The following EBF2 variants were observed in gnomAD, a reference collection of about 807,000 sequenced individuals.
EBF2 encodes EBF transcription factor 2.
A neutral mutation model predicts 72.8 loss-of-function variants in EBF2; 21 were observed. That is an observed-to-expected ratio of 0.29 (90% CI 0.20 to 0.42). EBF2 has a LOEUF of 0.42. Ranked by LOEUF, EBF2 falls within the 10% of genes least tolerant of loss-of-function variation. EBF2 has a pLI of 1.00. For missense variants in EBF2, 637 were observed against 731.2 expected, an observed-to-expected ratio of 0.87 and a Z score of 1.49; for synonymous variants, 299 against 274.2, an observed-to-expected ratio of 1.09 and a Z score of -0.89.
intron 6 of EBF2, among the ~76,000 whole-genome samples, chr8:25,915,165 A>T (rs568061925): frequency 4.2e-4 from 64 of 152,198 alleles, no homozygotes; most frequent in Non-Finnish European, 7.6e-4. Context: ...CAAGATTCAG[A>T]AAGGTTAAAT....
intron 6 of EBF2, among the ~76,000 whole-genome samples, chr8:25,967,881 G>A (rs1348209209): frequency 1.3e-5 from 2 of 152,158 alleles, no homozygotes; most frequent in Non-Finnish European, 2.9e-5. Context: ...CTGCCAAATA[G>A]GAGTGTCATT....
intron 6 of EBF2, among the ~76,000 whole-genome samples, chr8:25,954,746 T>C (rs893137784): frequency 7.9e-5 from 12 of 152,154 alleles, no homozygotes; most frequent in Non-Finnish European, 1.6e-4. Context: ...ATCCCTCCCT[T>C]GGCACAGAAA....
chr8:25,974,430 G>T (rs1465233177), intron 6 of EBF2, among the ~76,000 whole-genome samples: 2 of 152,186 alleles, frequency 1.3e-5, no homozygotes, highest in Admixed American at 1.3e-4. Context: ...TGAAACAATT[G>T]CTGGAGAAGT....
chr8:26,029,687 G>A (rs1023408131), intron 6 of EBF2, among the ~76,000 whole-genome samples: 16 of 152,198 alleles, frequency 1.1e-4, no homozygotes, highest in Non-Finnish European at 2.4e-4. Context: ...TGAGAAGGGG[G>A]AGGAGATAAT....
At chr8:25,941,637 C>A (rs77709131) in intron 6 of EBF2, among the ~76,000 whole-genome samples, 6,476 of 152,172 alleles carry the variant, frequency 0.043, 180 homozygotes, top group Middle Eastern at 0.068. Flanking sequence ...TCCATCTGAG[C>A]CCCTAGTCTG....
chr8:25,854,079 T>C (rs541228659), intron 14 of EBF2, among the ~76,000 whole-genome samples: 32 of 152,230 alleles, frequency 2.1e-4, no homozygotes, highest in African/African-American at 7.7e-4. Flanking sequence ...GCTATTACAT[T>C]TTAAAAATGG....
rs1346379889 is a variant in EBF2, at chr8:25,843,611, T to C, written c.*998A>G. 1 of 152,230 alleles carries C rather than the reference T, an allele frequency of 6.6e-6. No homozygotes were observed. The highest frequency in any genetic ancestry group is 1.5e-5 in the Non-Finnish European group (1 of 68,056). 9.4% of individuals were successfully genotyped at this position (152,230 alleles called of 1,614,324 possible). On this transcript the variant is annotated 3_prime_UTR_variant, in exon 16 of 16. Coordinates refer to ENST00000520164, the MANE Select transcript of EBF2 (RefSeq NM_022659.4). The stretch of plus-strand genomic sequence containing the variant: ...TGAAAGCCTGAGACAGACTCAAACA[T>C]GGGAATTCTCTGGACTGCTCAGGGG...
intron 15 of EBF2, among the ~76,000 whole-genome samples, chr8:25,849,341 G>A (rs1293270904): frequency 2.0e-5 from 3 of 152,116 alleles, no homozygotes; most frequent in African/African-American, 7.2e-5. Context: ...CCAGAGCTCT[G>A]CTCAGCCACA....
chr8:25,969,859 C>T (rs544953414), intron 6 of EBF2, among the ~76,000 whole-genome samples: 1 of 152,160 alleles, frequency 6.6e-6, no homozygotes, highest in South Asian at 2.1e-4. Flanking sequence ...CACATGCCAC[C>T]GTGCCTGACA....
At chr8:25,903,421 C>A (rs941158597) in intron 7 of EBF2, among the ~76,000 whole-genome samples, 1 of 151,964 alleles carries the variant, frequency 6.6e-6, no homozygotes, top group Non-Finnish European at 1.5e-5. Flanking sequence ...TACAGCCGGG[C>A]GCGGTGGCTC....
Position 26,036,659 on chromosome 8 carries a change from C to T in EBF2, c.482+3369G>A, listed in dbSNP as rs1805506158. Among the ~76,000 whole-genome samples the T allele has an allele frequency of 2.0e-5, 3 of 151,716 alleles. No individual in the cohort carries two copies. In the South Asian group the frequency reaches 6.3e-4, roughly 32 times the overall value. ...GCACAAGCAATGGGAAGTGGAGAAC[C>T]TGAGATGTTTGTGAACCTACACTCC... On this transcript the variant is annotated intron_variant, in intron 5 of 15. Coordinates refer to ENST00000520164, the MANE Select transcript of EBF2 (RefSeq NM_022659.4).
At chr8:25,932,700 C>T (rs1002395989) in intron 6 of EBF2, among the ~76,000 whole-genome samples, 7 of 152,058 alleles carry the variant, frequency 4.6e-5, no homozygotes, top group African/African-American at 1.2e-4. Context: ...ACAGGTTTGC[C>T]GCTAATTGGA....
chr8:25,954,380 G>A (rs1267128527), intron 6 of EBF2, among the ~76,000 whole-genome samples: 1 of 152,176 alleles, frequency 6.6e-6, no homozygotes, highest in South Asian at 2.1e-4. Context: ...TCTGCTCAGC[G>A]GCCCCACCTT....
intron 6 of EBF2, among the ~76,000 whole-genome samples, chr8:26,008,638 T>C (rs149547292): frequency 0.015 from 2,343 of 152,324 alleles, 23 homozygotes; most frequent in Non-Finnish European, 0.026. Context: ...GGCTTCCCAT[T>C]TGATTTTTTC....
intron 6 of EBF2, among the ~76,000 whole-genome samples, chr8:25,993,498 C>T (rs1472955368): frequency 6.6e-6 from 1 of 152,232 alleles, no homozygotes; most frequent in Non-Finnish European, 1.5e-5. Context: ...TCCATCTATA[C>T]TGCCACCCTC....
intron 13 of EBF2, among the ~76,000 whole-genome samples, chr8:25,860,389 G>T (rs141172138): frequency 1.3e-4 from 19 of 151,888 alleles, no homozygotes; most frequent in Non-Finnish European, 2.4e-4. Flanking sequence ...TATTCAATCT[G>T]ATAATCACAA....
intron 10 of EBF2, among the ~76,000 whole-genome samples, chr8:25,880,203 G>A (rs1373552853): frequency 6.6e-6 from 1 of 152,106 alleles, no homozygotes; most frequent in Non-Finnish European, 1.5e-5. Context: ...GCAAATATGT[G>A]GTCTCAGTTT....
intron 6 of EBF2, among the ~76,000 whole-genome samples, chr8:25,951,809 G>A (rs1803866767): frequency 6.6e-6 from 1 of 152,168 alleles, no homozygotes; most frequent in South Asian, 2.1e-4. Flanking sequence ...GCACAGAAAG[G>A]AAAAGCAGTG....
intron 6 of EBF2, among the ~76,000 whole-genome samples, chr8:25,999,577 T>C (rs1481109526): frequency 6.6e-6 from 1 of 152,042 alleles, no homozygotes; most frequent in Admixed American, 6.6e-5. Context: ...AATTTCCTTC[T>C]GCATTTCCCT....
Sources: allele counts gnomAD v4.1 joint callset (sites outside exome capture counted in the v4.1 genomes callset), GRCh38; gene constraint gnomAD v4.1.1; transcripts MANE v1.5; gene names NCBI Gene and HGNC (gene_info 2026-07-23, HGNC 2026-07-21).